WSCD2: variants seen among roughly 807,000 people sequenced by gnomAD.
WSCD2 encodes WSC domain sialate O sulfotransferase 2.
In WSCD2, 28 loss-of-function variants were observed where a neutral mutation model predicts 55.7. The ratio of observed to expected loss-of-function variants is 0.50; its 90% confidence interval spans 0.37 to 0.69. WSCD2 has a LOEUF of 0.69. Ranked by LOEUF, WSCD2 falls within the 30% of genes least tolerant of loss-of-function variation. The pLI, the probability that WSCD2 is intolerant of heterozygous loss-of-function variation, is 0.00. For synonymous variants in WSCD2, 301 were observed against 301.9 expected (o/e 1.00, Z 0.03); for missense variants, 616 against 762.1 (o/e 0.81, Z 2.26).
intron 1 of WSCD2, among the ~76,000 whole-genome samples, chr12:108,146,334 C>T (rs1109435): frequency 0.67 from 101,891 of 152,004 alleles, 36,135 homozygotes; most frequent in East Asian, 0.91. Flanking sequence ...AGTGTGGGTG[C>T]GCCCCACTCT....
intron 1 of WSCD2, among the ~76,000 whole-genome samples, chr12:108,130,305 T>C (rs1875354335): frequency 1.3e-5 from 2 of 152,048 alleles, no homozygotes; most frequent in African/African-American, 4.8e-5. Flanking sequence ...CAGTGCAGAG[T>C]TCCAAGGGAG....
intron 1 of WSCD2, among the ~76,000 whole-genome samples, chr12:108,168,919 C>G (rs1879937980): frequency 6.6e-6 from 1 of 152,216 alleles, no homozygotes; most frequent in East Asian, 1.9e-4. Context: ...TCCTCAACCA[C>G]TGGGCCACAC....
chr12:108,171,656 T>C (rs989632708), intron 1 of WSCD2: 11 of 152,234 alleles, frequency 7.2e-5, no homozygotes, highest in African/African-American at 2.7e-4. Context: ...GCTCATATTG[T>C]ATTTCTGTGC....
chr12:108,213,899 T>C (rs1048239924), intron 4 of WSCD2, among the ~76,000 whole-genome samples: 2 of 152,168 alleles, frequency 1.3e-5, no homozygotes, highest in East Asian at 3.9e-4. Context: ...CTCCAGCTCA[T>C]CTCCTTCCTT....
rs534691811 is a variant in WSCD2, at chr12:108,171,383, A to T, written c.-551-23899A>T. On this transcript the variant is annotated intron_variant, in intron 1 of 8. Transcript: ENST00000547525. ...TATTGCTACAATTACACCATTTATT[A>T]TGGTGGCCACTGGCCACGTATGGCT... Among the ~76,000 whole-genome samples, 24 of 152,324 alleles carry T rather than the reference A, an allele frequency of 1.6e-4. 1 individual carries two copies. In the South Asian group the frequency reaches 5.0e-3, roughly 32 times the overall value.
intron 2 of WSCD2, among the ~76,000 whole-genome samples, chr12:108,201,787 C>T (rs1383390526): frequency 6.6e-6 from 1 of 152,076 alleles, no homozygotes; most frequent in African/African-American, 2.4e-5. Flanking sequence ...AAATCACCTT[C>T]ATTGAAGAGA....
chr12:108,232,650 GT>G (rs1888895864), intron 6 of WSCD2, 80 bp from the exon 7 acceptor site: 5 of 1,383,028 alleles, frequency 3.6e-6, no homozygotes, highest in Non-Finnish European at 3.9e-6. Context: ...AGTGGCAGGG[GT>G]GTGACTCATA....
intron 1 of WSCD2, among the ~76,000 whole-genome samples, chr12:108,137,588 C>T (rs541578838): frequency 6.6e-6 from 1 of 152,216 alleles, no homozygotes; most frequent in Admixed American, 6.5e-5. Context: ...AAAAGAATGA[C>T]AGCTTGGGGG....
At chr12:108,184,884 T>A (rs1644744108) in intron 1 of WSCD2, among the ~76,000 whole-genome samples, 2 of 152,140 alleles carry the variant, frequency 1.3e-5, no homozygotes, top group Non-Finnish European at 1.5e-5. Context: ...AGGTGTTGGA[T>A]CTCCAGGCTT....
chr12:108,207,360 T>C (rs1885525746), intron 3 of WSCD2, among the ~76,000 whole-genome samples: 1 of 151,824 alleles, frequency 6.6e-6, no homozygotes, highest in Non-Finnish European at 1.5e-5. Context: ...CTTCCTGCTG[T>C]TCTTTATTTT....
intron 1 of WSCD2, among the ~76,000 whole-genome samples, chr12:108,182,166 T>C (rs1348929969): frequency 1.3e-5 from 2 of 152,206 alleles, no homozygotes; most frequent in African/African-American, 4.8e-5. Context: ...AGAGGTAACA[T>C]CTTTCTGTAT....
At chr12:108,139,952 C>T (rs767939054) in intron 1 of WSCD2, among the ~76,000 whole-genome samples, 6 of 152,088 alleles carry the variant, frequency 3.9e-5, no homozygotes, top group Non-Finnish European at 8.8e-5. Flanking sequence ...CAACCTTGGG[C>T]CACTGGCGTC....
intron 7 of WSCD2, among the ~76,000 whole-genome samples, chr12:108,235,900 C>T (rs970074363): frequency 7.2e-5 from 11 of 152,208 alleles, no homozygotes; most frequent in African/African-American, 2.2e-4. Context: ...AATGAAGAGC[C>T]GCTTGCCCCC....
At chr12:108,143,992 T>TCCCAGC (rs1052778365) in intron 1 of WSCD2, among the ~76,000 whole-genome samples, 2 of 151,940 alleles carry the variant, frequency 1.3e-5, no homozygotes, top group Non-Finnish European at 2.9e-5. Context: ...GCACAGCTTC[T>TCCCAGC]CCCAGCCCCA....
chr12:108,239,733 G>A (rs1248789381), intron 7 of WSCD2, among the ~76,000 whole-genome samples: 1 of 151,988 alleles, frequency 6.6e-6, no homozygotes, highest in Non-Finnish European at 1.5e-5. Flanking sequence ...TTTTTGTCAA[G>A]AGACAGGGTC....
At chr12:108,207,533 CTTTTT>C (rs35090663) in intron 3 of WSCD2, among the ~76,000 whole-genome samples, 29 of 53,622 alleles carry the variant, frequency 5.4e-4, no homozygotes, top group Admixed American at 1.2e-3. Flanking sequence ...CCATGCCTGG[CTTTTT>C]TTTTTTTTTT....
intron 1 of WSCD2, among the ~76,000 whole-genome samples, chr12:108,163,340 G>C (rs529453561): frequency 6.6e-6 from 1 of 152,238 alleles, no homozygotes; most frequent in African/African-American, 2.4e-5. Flanking sequence ...CTGCACTCCA[G>C]CCTGGGTGAC....
chr12:108,184,092 T>G (rs1882146521), intron 1 of WSCD2, among the ~76,000 whole-genome samples: 1 of 152,164 alleles, frequency 6.6e-6, no homozygotes, highest in African/African-American at 2.4e-5. Flanking sequence ...CACCTCCCCT[T>G]TAGGCCTCAG....
intron 1 of WSCD2, among the ~76,000 whole-genome samples, chr12:108,139,460 G>A (rs1470591127): frequency 2.0e-5 from 3 of 152,100 alleles, no homozygotes; most frequent in African/African-American, 4.8e-5. Flanking sequence ...AGGAGATTAG[G>A]GTCCAGAGTA....
Sources: allele counts gnomAD v4.1 joint callset (sites outside exome capture counted in the v4.1 genomes callset), GRCh38; gene constraint gnomAD v4.1.1; transcripts MANE v1.5; gene names NCBI Gene and HGNC (gene_info 2026-07-23, HGNC 2026-07-21).